Variants in FANCA observed in about 807,000 individuals in gnomAD.
FANCA encodes the protein FA complementation group A.
FANCA carries 236 observed loss-of-function variants against 194.3 expected under a neutral mutation model. The observed-to-expected ratio is 1.21, with a 90% CI of 1.09 to 1.35. The LOEUF is 1.35. Ranked by LOEUF, FANCA falls within the 40% of genes most tolerant of loss-of-function variation. The pLI is 0.00. For synonymous variants in FANCA, 1,014 were observed against 715.8 expected (o/e 1.42, Z -6.65); for missense variants, 2,628 against 1,813.9 (o/e 1.45, Z -8.15).
chr16:89,752,711 G>T (rs915186969), intron 30 of FANCA, among the ~76,000 whole-genome samples: 1 of 152,220 alleles, frequency 6.6e-6, no homozygotes, highest in Admixed American at 6.5e-5. Context: ...GGTGTGACCA[G>T]AAGACAAGAG....
intron 27 of FANCA, among the ~76,000 whole-genome samples, chr16:89,766,698 G>A (rs2039140223): frequency 1.3e-5 from 2 of 149,484 alleles, no homozygotes; most frequent in African/African-American, 4.9e-5. Flanking sequence ...CTGGGCGACA[G>A]AGCAAGACTC....
chr16:89,777,332 T>A (rs574640897), intron 20 of FANCA, among the ~76,000 whole-genome samples: 4 of 152,154 alleles, frequency 2.6e-5, no homozygotes, highest in Non-Finnish European at 5.9e-5. Flanking sequence ...TAGTAAGCCA[T>A]GACTGCACCG....
At position 89,748,619 on chromosome 16, in the gene FANCA, A is replaced by T. The variant is rs145051641; in HGVS notation, c.3348+40T>A. On this transcript the variant is annotated intron_variant, in intron 33 of 42. Transcript: ENST00000389301. ...AAGAGCTGCTGTTAGCGCCACAGGC[A>T]CTGACAGATCGGACGGACACGTGCA... The T allele has an allele frequency of 3.5e-3, 5,151 of 1,464,800 alleles. 18 individuals carry two copies. Among genetic ancestry groups the T allele is most frequent in the Non-Finnish European group, 4.4e-3 (4,623 of 1,044,544 alleles). The allele number at this position is 1,464,800 out of a possible 1,614,324, so 90.7% of individuals were successfully genotyped here. A position where few individuals can be genotyped will look rare whatever the true frequency, so the allele number is the denominator to read the frequency against.
chr16:89,748,272 T>C (rs928414713), intron 33 of FANCA, among the ~76,000 whole-genome samples: 4 of 152,182 alleles, frequency 2.6e-5, no homozygotes, highest in Admixed American at 2.0e-4. Context: ...CTGGGCTGCC[T>C]GGCAGGCAAC....
At position 89,737,661 on chromosome 16, in the gene FANCA, T is replaced by G. The variant is rs2061983152; in HGVS notation, c.*940A>C. On this transcript the variant is annotated 3_prime_UTR_variant, in exon 43 of 43. Coordinates refer to ENST00000389301, the MANE Select transcript of FANCA (RefSeq NM_000135.4). ...TTAAAGATCTTAATAAACGAGGCCC[T>G]CATAGGCCCCTTGCTTGGGCCCACT... The G allele has an allele frequency of 2.0e-6, 3 of 1,479,368 alleles. No individual in the cohort carries two copies. The highest frequency in any genetic ancestry group is 3.8e-4 in the Middle Eastern group (2 of 5,254). 91.6% of individuals were successfully genotyped at this position (1,479,368 alleles called of 1,614,324 possible). A position where few individuals can be genotyped will look rare whatever the true frequency, so the allele number is the denominator to read the frequency against.
intron 14 of FANCA, chr16:89,791,057 T>C (rs933147699): frequency 6.5e-6 from 1 of 155,036 alleles, no homozygotes; most frequent in African/African-American, 3.0e-5. Context: ...TTGGTGGAGA[T>C]GAGGTTTCAC....
At chr16:89,791,019 GTGTGTTT>G (rs1239929690) in intron 14 of FANCA, 3 of 252,330 alleles carry the variant, frequency 1.2e-5, no homozygotes, top group East Asian at 1.0e-4. Flanking sequence ...GTGTGTGTGT[GTGTGTTT>G]TTTTTTTTTT....
At chr16:89,784,730 G>A (rs986409502) in intron 15 of FANCA, 124 bp downstream of exon 15, 5 of 792,236 alleles carry the variant, frequency 6.3e-6, no homozygotes, top group East Asian at 4.9e-5. Flanking sequence ...AGGGGAAGGG[G>A]AAGGGCCTGG....
chr16:89,762,675 C>G (rs1311823161), intron 28 of FANCA: 1 of 365,564 alleles, frequency 2.7e-6, no homozygotes, highest in Non-Finnish European at 5.7e-6. Context: ...GTTGCCCAGG[C>G]TGGAGTGTGT....
chr16:89,754,250 A>G (rs1176433019), intron 30 of FANCA, among the ~76,000 whole-genome samples: 1 of 148,076 alleles, frequency 6.8e-6, no homozygotes, highest in East Asian at 2.0e-4. Flanking sequence ...CAAAACAACA[A>G]CAAAAAAAAC....
At chr16:89,740,249 C>A (rs1470874060) in intron 38 of FANCA, 150 bp from the exon 39 acceptor site, 43 of 732,776 alleles carry the variant, frequency 5.9e-5, no homozygotes, top group Non-Finnish European at 9.3e-5. Flanking sequence ...GAAGGTAATA[C>A]TGGGCCTCTG....
intron 29 of FANCA, 113 bp downstream of exon 29, chr16:89,761,836 G>C: frequency 1.2e-6 from 1 of 853,242 alleles, no homozygotes; most frequent in Non-Finnish European, 2.0e-6. Context: ...ATGTTGCCCA[G>C]GCTGACCTCA....
At chr16:89,785,565 A>C (rs1320264557) in intron 14 of FANCA, among the ~76,000 whole-genome samples, 2 of 152,204 alleles carry the variant, frequency 1.3e-5, no homozygotes, top group Non-Finnish European at 2.9e-5. Flanking sequence ...CCCAGGAACG[A>C]AGGGGGCTGC....
chr16:89,739,432 C>A (rs1194505486), intron 40 of FANCA, 46 bp downstream of exon 40: 2 of 1,553,534 alleles, frequency 1.3e-6, no homozygotes, highest in Middle Eastern at 2.1e-4. Flanking sequence ...AGATGGGGGT[C>A]TGGGAAACAC....
chr16:89,796,600 C>T (rs2040256918), intron 10 of FANCA, among the ~76,000 whole-genome samples: 1 of 152,218 alleles, frequency 6.6e-6, no homozygotes. Context: ...GGCAAGAGCA[C>T]TTGAGGTCTG....
intron 30 of FANCA, among the ~76,000 whole-genome samples, chr16:89,757,176 G>C (rs1024532365): frequency 1.3e-5 from 2 of 151,946 alleles, no homozygotes. Flanking sequence ...TCACCAGGCT[G>C]GTCTCGAGCT....
At chr16:89,791,168 G>A (rs915714230) in intron 14 of FANCA, 6 of 581,898 alleles carry the variant, frequency 1.0e-5, no homozygotes, top group Admixed American at 3.0e-5. Flanking sequence ...CTGAGGCCCC[G>A]ACAGGGAGAA....
intron 30 of FANCA, among the ~76,000 whole-genome samples, chr16:89,755,484 C>T (rs557915519): frequency 6.6e-6 from 1 of 152,126 alleles, no homozygotes; most frequent in African/African-American, 2.4e-5. Context: ...GGATTACAGG[C>T]GTGAGCCACC....
intron 14 of FANCA, among the ~76,000 whole-genome samples, chr16:89,785,612 AAGG>A (rs899361668): frequency 2.0e-5 from 3 of 152,160 alleles, no homozygotes; most frequent in Admixed American, 2.0e-4. Flanking sequence ...TCAGGGAAGG[AAGG>A]AGATTTTAAA....
Sources: allele counts gnomAD v4.1 joint callset (sites outside exome capture counted in the v4.1 genomes callset), GRCh38; gene constraint gnomAD v4.1.1; transcripts MANE v1.5; gene names NCBI Gene and HGNC (gene_info 2026-07-23, HGNC 2026-07-21).